SPATA17: variants seen among roughly 807,000 people sequenced by gnomAD.
SPATA17 encodes spermatogenesis associated 17.
In SPATA17, 53 loss-of-function variants were observed where a neutral mutation model predicts 62.2. The ratio of observed to expected loss-of-function variants is 0.85; its 90% CI spans 0.68 to 1.07. The LOEUF (loss-of-function observed/expected upper bound fraction) is 1.07, where lower values mean the gene tolerates loss of function less well. Among genes scored for constraint, SPATA17 ranks in the 50% least tolerant of loss-of-function variants. The probability of loss-of-function intolerance (pLI) is 0.00; values close to 1 mark genes in which losing one functional copy is unlikely to be tolerated. For synonymous variants in SPATA17, 146 were observed against 146.8 expected (o/e 0.99, Z 0.04); for missense variants, 466 against 425.5 (o/e 1.10, Z -0.84).
intron 5 of SPATA17, among the ~76,000 whole-genome samples, chr1:217,684,186 C>A (rs183258519): frequency 8.5e-5 from 13 of 152,094 alleles, no homozygotes; most frequent in African/African-American, 2.9e-4. Context: ...GTAAAGGCAT[C>A]GTAATATTAC....
intron 9 of SPATA17, chr1:217,850,661 C>A: frequency 6.5e-7 from 1 of 1,539,606 alleles, no homozygotes; most frequent in East Asian, 2.3e-5. Context: ...TACGAGGATG[C>A]TGCGAATCGC....
Position 217,805,082 on chromosome 1 carries a change from C to T in SPATA17, c.1005+3232C>T, listed in dbSNP as rs367974550. On this transcript the variant is annotated intron_variant, in intron 9 of 10. Coordinates refer to ENST00000366933, the MANE Select transcript of SPATA17 (RefSeq NM_138796.4). ...TATATTGAAGAGATATCTGCAGCCC[C>T]ATGTTTACTGCAGCATTTTCAAAAT... is the stretch of plus-strand genomic sequence containing the variant. Among the ~76,000 whole-genome samples, 14 of 152,260 alleles carry T rather than the reference C, an allele frequency of 9.2e-5. No individual in the cohort carries two copies. In the South Asian group the frequency reaches 2.7e-3, roughly 29 times the overall value.
chr1:217,853,832 C>A (rs1280334615), intron 9 of SPATA17, among the ~76,000 whole-genome samples: 2 of 152,128 alleles, frequency 1.3e-5, no homozygotes, highest in East Asian at 3.8e-4. Flanking sequence ...TTGAATGAAG[C>A]TTATCTAGCA....
intron 1 of SPATA17, among the ~76,000 whole-genome samples, chr1:217,632,178 G>C (rs1256459541): frequency 6.6e-6 from 1 of 150,606 alleles, no homozygotes; most frequent in Non-Finnish European, 1.5e-5. Flanking sequence ...TTAAGACCCT[G>C]TCTCAATAAA....
At chr1:217,824,266 G>T (rs1296906849) in intron 9 of SPATA17, among the ~76,000 whole-genome samples, 1 of 151,694 alleles carries the variant, frequency 6.6e-6, no homozygotes, top group African/African-American at 2.4e-5. Context: ...TATTTACTTT[G>T]GGATATTTTG....
chr1:217,665,567 T>C, intron 3 of SPATA17: 1 of 152,104 alleles, frequency 6.6e-6, no homozygotes. Context: ...AAGTCCTCAA[T>C]ATAAAATAGA....
At chr1:217,726,319 T>C (rs1041376036) in intron 5 of SPATA17, among the ~76,000 whole-genome samples, 7 of 152,350 alleles carry the variant, frequency 4.6e-5, no homozygotes, top group Admixed American at 4.6e-4. Flanking sequence ...CAGTTGACCT[T>C]ATTCAAAAGC....
intron 1 of SPATA17, among the ~76,000 whole-genome samples, chr1:217,646,914 A>T (rs546299032): frequency 6.6e-6 from 1 of 152,164 alleles, no homozygotes; most frequent in African/African-American, 2.4e-5. Flanking sequence ...AAACAAACCA[A>T]CAAACAAACA....
intron 5 of SPATA17, among the ~76,000 whole-genome samples, chr1:217,741,150 TA>T (rs947703801): frequency 6.6e-6 from 1 of 152,172 alleles, no homozygotes; most frequent in Non-Finnish European, 1.5e-5. Context: ...CCTACTTTTT[TA>T]AAAAAGTATA....
chr1:217,850,377 C>G, intron 9 of SPATA17: 2 of 897,168 alleles, frequency 2.2e-6, no homozygotes, highest in Non-Finnish European at 3.5e-6. Context: ...CATCACTGAG[C>G]ACTGCAAATG....
intron 7 of SPATA17, among the ~76,000 whole-genome samples, 177 bp downstream of exon 7, chr1:217,774,714 A>G (rs985588140): frequency 5.3e-5 from 8 of 152,212 alleles, no homozygotes; most frequent in African/African-American, 1.9e-4. Context: ...TTGGAGAATT[A>G]AAACTATACC....
intron 9 of SPATA17, chr1:217,850,492 T>C: frequency 6.6e-7 from 1 of 1,505,442 alleles, no homozygotes; most frequent in South Asian, 1.1e-5. Context: ...TCTAGCTGCA[T>C]GCCTGCAAAG....
At position 217,641,526 on chromosome 1, in the gene SPATA17, G is replaced by T. The variant is rs979311756; in HGVS notation, c.69-7356G>T. ...TAAGGACTTAAAAGTAAAATATGAA[G>T]ATAATAAGGAGTTAATGGGACATTA... is the stretch of plus-strand genomic sequence containing the variant. On this transcript the variant is annotated intron_variant, in intron 1 of 10. Transcript: ENST00000366933. Among the ~76,000 whole-genome samples the T allele has an allele frequency of 2.6e-5, 4 of 151,960 alleles. No individual in the cohort carries two copies. The East Asian group carries it at 7.7e-4, about 29-fold the overall frequency.
At chr1:217,650,230 C>T (rs541106789) in intron 2 of SPATA17, among the ~76,000 whole-genome samples, 2 of 152,090 alleles carry the variant, frequency 1.3e-5, no homozygotes, top group South Asian at 4.2e-4. Context: ...TGAGCCACGG[C>T]GCCTGGAAGA....
chr1:217,751,557 C>T (rs1164780949), intron 6 of SPATA17, among the ~76,000 whole-genome samples: 4 of 152,346 alleles, frequency 2.6e-5, no homozygotes, highest in Admixed American at 2.0e-4. Context: ...TACCTATTAA[C>T]TCTTACATTT....
intron 6 of SPATA17, among the ~76,000 whole-genome samples, chr1:217,772,001 T>G (rs1000724479): frequency 6.6e-6 from 1 of 152,228 alleles, no homozygotes; most frequent in East Asian, 1.9e-4. Flanking sequence ...CATAAAAAAC[T>G]AACAGACTTC....
intron 9 of SPATA17, among the ~76,000 whole-genome samples, chr1:217,847,573 T>C (rs1162810427): frequency 2.0e-5 from 3 of 152,184 alleles, no homozygotes; most frequent in Non-Finnish European, 4.4e-5. Flanking sequence ...AGGGGGTTGG[T>C]ATTAAAGTAT....
chr1:217,783,580 C>A (rs186687260), intron 8 of SPATA17, among the ~76,000 whole-genome samples: 1 of 151,902 alleles, frequency 6.6e-6, no homozygotes, highest in African/African-American at 2.4e-5. Context: ...CAGACTTAGC[C>A]AAGCAAAATA....
At chr1:217,664,329 G>A (rs1250366983) in intron 3 of SPATA17, among the ~76,000 whole-genome samples, 2 of 116,496 alleles carry the variant, frequency 1.7e-5, no homozygotes, top group African/African-American at 6.7e-5. Context: ...GTCTCACTCT[G>A]TTGCCCAGAC....
Sources: allele counts gnomAD v4.1 joint callset (sites outside exome capture counted in the v4.1 genomes callset), GRCh38; gene constraint gnomAD v4.1.1; transcripts MANE v1.5; gene names NCBI Gene and HGNC (gene_info 2026-07-23, HGNC 2026-07-21).